Variants in DOK6 observed in about 807,000 individuals in gnomAD.
DOK6 encodes downstream of tyrosine kinase 6.
Under a neutral mutation model 44.0 loss-of-function variants are expected in DOK6, and 22 were observed. That is an observed-to-expected ratio of 0.50 (90% CI 0.36 to 0.71). DOK6 has a LOEUF of 0.71. DOK6 is among the 30% of genes least tolerant of loss of function. DOK6 has a pLI of 0.00. For synonymous variants in DOK6, 166 were observed against 145.5 expected, an observed-to-expected ratio of 1.14 and a Z score of -1.01; for missense variants, 340 against 416.4, an observed-to-expected ratio of 0.82 and a Z score of 1.60.
chr18:69,588,025 G>A (rs949001266), intron 2 of DOK6, among the ~76,000 whole-genome samples: 1 of 152,028 alleles, frequency 6.6e-6, no homozygotes, highest in Admixed American at 6.6e-5. Flanking sequence ...TGTTTTAGCT[G>A]GTATTTACCA....
At chr18:69,827,577 AT>A (rs1368388169) in intron 7 of DOK6, among the ~76,000 whole-genome samples, 1 of 152,016 alleles carries the variant, frequency 6.6e-6, no homozygotes, top group South Asian at 2.1e-4. Context: ...AGTTAAGCAA[AT>A]TTTTTTAACA....
intron 4 of DOK6, among the ~76,000 whole-genome samples, chr18:69,680,472 T>C (rs1361201537): frequency 1.3e-5 from 2 of 152,218 alleles, no homozygotes; most frequent in Non-Finnish European, 1.5e-5. Flanking sequence ...TCTTGGCCCA[T>C]TCAGAGCCAG....
intron 2 of DOK6, among the ~76,000 whole-genome samples, chr18:69,569,279 A>G (rs1012783918): frequency 5.9e-5 from 9 of 152,220 alleles, no homozygotes; most frequent in African/African-American, 2.2e-4. Context: ...AGTGTGGCTG[A>G]CACTTGAACC....
intron 1 of DOK6, among the ~76,000 whole-genome samples, chr18:69,427,206 C>G (rs1387980937): frequency 2.0e-5 from 3 of 152,070 alleles, no homozygotes; most frequent in African/African-American, 4.8e-5. Context: ...CTCTCTCTCT[C>G]TTTATGGCTG....
chr18:69,555,154 T>TTG (rs1756215732), intron 1 of DOK6, among the ~76,000 whole-genome samples: 1 of 152,224 alleles, frequency 6.6e-6, no homozygotes, highest in East Asian at 1.9e-4. Flanking sequence ...CAATAATGTT[T>TTG]TGTGTCTTAT....
chr18:69,776,624 T>C (rs1252547217), intron 7 of DOK6, among the ~76,000 whole-genome samples: 2 of 151,836 alleles, frequency 1.3e-5, no homozygotes, highest in Non-Finnish European at 2.9e-5. Context: ...TAGGATAAAA[T>C]CAACTAATCT....
intron 1 of DOK6, among the ~76,000 whole-genome samples, chr18:69,487,529 A>G (rs1428002942): frequency 2.0e-5 from 3 of 152,042 alleles, no homozygotes; most frequent in Non-Finnish European, 1.5e-5. Flanking sequence ...TATTATTTTC[A>G]TTAATATGAG....
At chr18:69,598,996 G>C (rs1351074370) in intron 2 of DOK6, among the ~76,000 whole-genome samples, 1 of 152,096 alleles carries the variant, frequency 6.6e-6, no homozygotes, top group African/African-American at 2.4e-5. Flanking sequence ...CAGGAAATTT[G>C]CATGACAGGT....
chr18:69,548,020 C>A (rs1982454211), intron 1 of DOK6, among the ~76,000 whole-genome samples: 1 of 150,136 alleles, frequency 6.7e-6, no homozygotes, highest in African/African-American at 2.4e-5. Flanking sequence ...GTGGCGCAAT[C>A]TCAGCTCACT....
chr18:69,632,578 T>C (rs1285459837), intron 3 of DOK6, among the ~76,000 whole-genome samples: 1 of 152,188 alleles, frequency 6.6e-6, no homozygotes, highest in Non-Finnish European at 1.5e-5. Flanking sequence ...TTAAGTCACC[T>C]GGTGGCCTTT....
intron 7 of DOK6, among the ~76,000 whole-genome samples, chr18:69,786,446 C>G (rs758496906): frequency 1.3e-5 from 2 of 152,042 alleles, no homozygotes; most frequent in Non-Finnish European, 2.9e-5. Context: ...AAAGAGTCAG[C>G]CTTATGGAAA....
At chr18:69,824,603 C>T (rs2145127212) in intron 7 of DOK6, among the ~76,000 whole-genome samples, 1 of 152,316 alleles carries the variant, frequency 6.6e-6, no homozygotes, top group African/African-American at 2.4e-5. Flanking sequence ...TCAAGTGATC[C>T]TCCCACCTTG....
chr18:69,776,886 T>C (rs1210407288), intron 7 of DOK6, among the ~76,000 whole-genome samples: 1 of 151,622 alleles, frequency 6.6e-6, no homozygotes, highest in Non-Finnish European at 1.5e-5. Context: ...GCTTCACTTC[T>C]ACTTTAATTA....
At chr18:69,440,168 A>G (rs1979096398) in intron 1 of DOK6, among the ~76,000 whole-genome samples, 1 of 152,180 alleles carries the variant, frequency 6.6e-6, no homozygotes. Context: ...ACATCAGAAC[A>G]CACACAACAT....
intron 1 of DOK6, among the ~76,000 whole-genome samples, chr18:69,536,974 T>TTTATCA (rs1555711144): frequency 3.9e-4 from 39 of 100,594 alleles, no homozygotes; most frequent in African/African-American, 1.1e-3. Context: ...CGACAGAAGA[T>TTTATCA]TTATCATTAT....
At chr18:69,482,260 G>C (rs563860251) in intron 1 of DOK6, among the ~76,000 whole-genome samples, 1 of 152,042 alleles carries the variant, frequency 6.6e-6, no homozygotes, top group Non-Finnish European at 1.5e-5. Context: ...GGCTTTTGTT[G>C]CCATTGCTTT....
At chr18:69,657,676 T>C (rs1241838160) in intron 3 of DOK6, among the ~76,000 whole-genome samples, 2 of 152,138 alleles carry the variant, frequency 1.3e-5, no homozygotes, top group Non-Finnish European at 2.9e-5. Flanking sequence ...AACAAAATAG[T>C]CTCAAAATAA....
intron 3 of DOK6, among the ~76,000 whole-genome samples, chr18:69,651,190 CAG>C (rs1285005340): frequency 1.3e-5 from 2 of 150,208 alleles, no homozygotes; most frequent in African/African-American, 4.8e-5. Flanking sequence ...CCTGTAATAA[CAG>C]GGGAACCATA....
At chr18:69,528,359 T>C (rs907696328) in intron 1 of DOK6, among the ~76,000 whole-genome samples, 2 of 152,184 alleles carry the variant, frequency 1.3e-5, no homozygotes, top group African/African-American at 2.4e-5. Flanking sequence ...TAAAATATTC[T>C]AACGTACTTA....
Sources: gnomAD v4.1 joint callset for allele counts (sites outside exome capture counted in the v4.1 genomes callset) on GRCh38, gnomAD v4.1.1 for gene constraint, MANE v1.5 for transcripts, NCBI Gene and HGNC (gene_info 2026-07-23, HGNC 2026-07-21) for gene names.